SCHIP1: variants seen among roughly 807,000 people sequenced by gnomAD.
The protein encoded by SCHIP1 is schwannomin interacting protein 1.
Under a neutral mutation model 29.7 loss-of-function variants are expected in SCHIP1, and 8 were observed. The ratio of observed to expected loss-of-function variants is 0.27; its 90% confidence interval spans 0.16 to 0.49. SCHIP1 has a LOEUF of 0.49. Ranked by LOEUF, SCHIP1 falls within the 20% of genes least tolerant of loss-of-function variation. SCHIP1 has a pLI of 0.99. For missense variants in SCHIP1, 193 were observed against 294.6 expected, an observed-to-expected ratio of 0.66 and a Z score of 2.52; for synonymous variants, 76 against 94.9, an observed-to-expected ratio of 0.80 and a Z score of 1.16.
At chr3:159,299,799 G>A in the SCHIP1 span, among the ~76,000 whole-genome samples, 45 of 152,214 alleles carry the variant, frequency 3.0e-4, no homozygotes, top group Non-Finnish European at 5.0e-4. Context: ...CTTCCCTGAC[G>A]TAGCCTTGTC....
At chr3:159,506,966 T>C in the SCHIP1 span, among the ~76,000 whole-genome samples, 4 of 152,208 alleles carry the variant, frequency 2.6e-5, no homozygotes, top group Non-Finnish European at 5.9e-5. Flanking sequence ...TTTGGTTCCA[T>C]ATGAACTTTA....
the SCHIP1 span, among the ~76,000 whole-genome samples, chr3:159,293,435 G>C: frequency 6.6e-6 from 1 of 152,176 alleles, no homozygotes; most frequent in African/African-American, 2.4e-5. Flanking sequence ...TCATCTCAAG[G>C]AGCATCAGCG....
chr3:159,479,446 A>C, the SCHIP1 span, among the ~76,000 whole-genome samples: 8 of 152,320 alleles, frequency 5.3e-5, no homozygotes, highest in Admixed American at 1.3e-4. Flanking sequence ...AGGATGTAGA[A>C]TAGCCTTTAT....
chr3:159,390,071 A>ATGTT, the SCHIP1 span, among the ~76,000 whole-genome samples: 1 of 152,046 alleles, frequency 6.6e-6, no homozygotes, highest in Non-Finnish European at 1.5e-5. Context: ...TATATATAAA[A>ATGTT]TGTTTGTTCT....
chr3:159,452,543 C>A, the SCHIP1 span, among the ~76,000 whole-genome samples: 1 of 152,126 alleles, frequency 6.6e-6, no homozygotes, highest in Non-Finnish European at 1.5e-5. Flanking sequence ...CTTTATCCAG[C>A]CTATCATTGA....
At chr3:159,545,011 T>C in the SCHIP1 span, among the ~76,000 whole-genome samples, 1 of 152,108 alleles carries the variant, frequency 6.6e-6, no homozygotes, top group South Asian at 2.1e-4. Flanking sequence ...AAATTGGTAT[T>C]TGTAGGTGAT....
chr3:159,422,967 A>G, the SCHIP1 span, among the ~76,000 whole-genome samples: 16 of 147,248 alleles, frequency 1.1e-4, no homozygotes, highest in South Asian at 3.3e-3. Context: ...ACATAAGAGT[A>G]GAATTTCAGG....
intron 1 of SCHIP1, among the ~76,000 whole-genome samples, chr3:159,842,200 T>A (rs1177220579): frequency 6.6e-6 from 1 of 152,204 alleles, no homozygotes; most frequent in African/African-American, 2.4e-5. Flanking sequence ...TTTCTTAGAT[T>A]AGCATTTTTA....
At chr3:159,563,553 G>A in the SCHIP1 span, among the ~76,000 whole-genome samples, 1 of 152,016 alleles carries the variant, frequency 6.6e-6, no homozygotes. Flanking sequence ...AGGAGGCCAG[G>A]TGTGGTGGCC....
the SCHIP1 span, among the ~76,000 whole-genome samples, chr3:159,759,160 G>A: frequency 6.6e-6 from 1 of 152,038 alleles, no homozygotes; most frequent in Non-Finnish European, 1.5e-5. Flanking sequence ...TTTTTTAAAG[G>A]ACATATTTTC....
the SCHIP1 span, among the ~76,000 whole-genome samples, chr3:159,592,847 T>C: frequency 1.3e-5 from 2 of 152,118 alleles, no homozygotes; most frequent in East Asian, 3.9e-4. Flanking sequence ...ATCCTGCTCA[T>C]CTAAGTAGCA....
At chr3:159,417,092 G>T in the SCHIP1 span, among the ~76,000 whole-genome samples, 1 of 152,216 alleles carries the variant, frequency 6.6e-6, no homozygotes, top group South Asian at 2.1e-4. Flanking sequence ...GAAAGCTTCC[G>T]CAGCACTGGC....
the SCHIP1 span, among the ~76,000 whole-genome samples, chr3:159,661,214 G>A: frequency 7.2e-3 from 1,100 of 152,250 alleles, 11 homozygotes; most frequent in African/African-American, 0.026. Flanking sequence ...ACTCCTTTCT[G>A]TGAAGATTAA....
At chr3:159,791,514 A>G in the SCHIP1 span, among the ~76,000 whole-genome samples, 1 of 152,210 alleles carries the variant, frequency 6.6e-6, no homozygotes, top group South Asian at 2.1e-4. Flanking sequence ...ACCTCAGTCA[A>G]GTCACAGCAG....
chr3:159,769,343 T>G, the SCHIP1 span, among the ~76,000 whole-genome samples: 1 of 152,204 alleles, frequency 6.6e-6, no homozygotes, highest in Non-Finnish European at 1.5e-5. Flanking sequence ...ATTACACATC[T>G]TTTTCTCTGT....
the SCHIP1 span, among the ~76,000 whole-genome samples, chr3:159,633,788 CAA>C: frequency 6.6e-6 from 1 of 151,346 alleles, no homozygotes; most frequent in African/African-American, 2.4e-5. Context: ...GAAAATAAAC[CAA>C]AAAAAGAGTT....
chr3:159,477,355 C>T, the SCHIP1 span, among the ~76,000 whole-genome samples: 1 of 152,056 alleles, frequency 6.6e-6, no homozygotes, highest in Non-Finnish European at 1.5e-5. Flanking sequence ...CTGAGGAACC[C>T]CCATATCATT....
chr3:159,343,090 T>C, the SCHIP1 span, among the ~76,000 whole-genome samples: 2 of 152,304 alleles, frequency 1.3e-5, no homozygotes, highest in South Asian at 4.1e-4. Context: ...TATTTCACCC[T>C]CATAATACGC....
the SCHIP1 span, among the ~76,000 whole-genome samples, chr3:159,515,427 A>G: frequency 6.6e-6 from 1 of 152,226 alleles, no homozygotes; most frequent in African/African-American, 2.4e-5. Flanking sequence ...CTGTTGGAAG[A>G]GCACAGCTTC....
Sources: gnomAD v4.1 joint callset for allele counts (sites outside exome capture counted in the v4.1 genomes callset) on GRCh38, gnomAD v4.1.1 for gene constraint, MANE v1.5 for transcripts, NCBI Gene and HGNC (gene_info 2026-07-23, HGNC 2026-07-21) for gene names.